ZNF385D: variants seen among roughly 807,000 people sequenced by gnomAD.
The protein encoded by ZNF385D is zinc finger protein 659.
A neutral mutation model predicts 35.8 loss-of-function variants in ZNF385D; 15 were observed. The observed-to-expected ratio is 0.42, with a 90% CI of 0.28 to 0.64. The LOEUF is 0.64. Among genes scored for constraint, ZNF385D ranks in the 30% least tolerant of loss-of-function variants. ZNF385D has a pLI of 0.23. For missense variants in ZNF385D, 474 were observed against 494.6 expected, an observed-to-expected ratio of 0.96 and a Z score of 0.39; for synonymous variants, 212 against 186.8, an observed-to-expected ratio of 1.13 and a Z score of -1.10.
intron 1 of ZNF385D, among the ~76,000 whole-genome samples, chr3:21,676,646 T>G (rs1009862033): frequency 6.6e-6 from 1 of 152,088 alleles, no homozygotes. Flanking sequence ...ATTATTTGTA[T>G]AAACAATGAA....
rs912590300 is a variant in ZNF385D at position 22,150,545 on chromosome 3, T to A, written c.325+18272A>T. 3.9e-5 allele frequency among the ~76,000 whole-genome samples: 6 copies of A among 152,100 alleles called. No individual in the cohort carries two copies. In the East Asian group the frequency reaches 1.2e-3, roughly 29 times the overall value. On this transcript the variant is annotated intron_variant, in intron 3 of 5. Transcript: ENST00000494108. The stretch of plus-strand genomic sequence containing the variant: ...AGGTTTTGAATAGAAGTTATTTACA[T>A]AGAAGGCATACCCACTGCAATGAGC...
chr3:21,737,231 G>C lies in ZNF385D; in HGVS notation c.22+13664C>G, dbSNP rs200805515. ...CTGGGACAGCAATCCTACTTCTATA[G>C]ATAGATACATGTGTCCATGTAACAA... On this transcript the variant is annotated intron_variant, in intron 1 of 7. Coordinates refer to ENST00000281523, the MANE Select transcript of ZNF385D (RefSeq NM_024697.3). Among the ~76,000 whole-genome samples the C allele has an allele frequency of 5.8e-4, 88 of 152,238 alleles. 1 individual carries two copies. In the East Asian group the frequency reaches 0.016, roughly 27 times the overall value.
intron 2 of ZNF385D, among the ~76,000 whole-genome samples, chr3:22,233,930 A>G (rs563407893): frequency 5.3e-5 from 8 of 152,194 alleles, no homozygotes; most frequent in Non-Finnish European, 8.8e-5. Flanking sequence ...TTCCTTTGTG[A>G]TAAGATCAAA....
intron 3 of ZNF385D, among the ~76,000 whole-genome samples, chr3:21,761,223 T>C (rs2070593171): frequency 1.3e-5 from 2 of 152,196 alleles, no homozygotes; most frequent in Non-Finnish European, 2.9e-5. Context: ...ATCGATATTT[T>C]AGTGCAAATT....
chr3:22,072,448 A>G (rs1215376258), intron 3 of ZNF385D, among the ~76,000 whole-genome samples: 2 of 152,092 alleles, frequency 1.3e-5, no homozygotes, highest in Non-Finnish European at 2.9e-5. Context: ...CAATCTCATC[A>G]AGAATCACTA....
chr3:21,902,371 C>T (rs1299130549), intron 3 of ZNF385D, among the ~76,000 whole-genome samples: 1 of 152,056 alleles, frequency 6.6e-6, no homozygotes, highest in African/African-American at 2.4e-5. Context: ...GTTCTAGTTC[C>T]TTCATTTTAC....
chr3:21,909,413 A>G (rs1699851742), intron 3 of ZNF385D, among the ~76,000 whole-genome samples: 1 of 152,118 alleles, frequency 6.6e-6, no homozygotes, highest in Non-Finnish European at 1.5e-5. Context: ...GAGACCAAAT[A>G]TGACTGATAA....
At chr3:21,488,854 T>C (rs2125400376) in intron 4 of ZNF385D, among the ~76,000 whole-genome samples, 1 of 152,224 alleles carries the variant, frequency 6.6e-6, no homozygotes, top group African/African-American at 2.4e-5. Context: ...GTTTCAGCAT[T>C]TATTTGTTTA....
chr3:22,020,043 AT>A (rs1440862973), intron 3 of ZNF385D, among the ~76,000 whole-genome samples: 1 of 151,854 alleles, frequency 6.6e-6, no homozygotes, highest in Non-Finnish European at 1.5e-5. Context: ...TATTAACTTT[AT>A]TTTTAAACAA....
intron 3 of ZNF385D, among the ~76,000 whole-genome samples, chr3:21,976,788 C>T (rs113107871): frequency 1.2e-3 from 184 of 152,180 alleles, no homozygotes; most frequent in Non-Finnish European, 2.3e-3. Flanking sequence ...GTCAGGAGTT[C>T]GAGAACATCC....
intron 3 of ZNF385D, among the ~76,000 whole-genome samples, chr3:22,076,569 C>G (rs540703615): frequency 2.0e-5 from 3 of 152,004 alleles, no homozygotes; most frequent in African/African-American, 7.2e-5. Flanking sequence ...ACTACAATTA[C>G]GTATCTATTT....
At chr3:22,298,813 C>G (rs967031447) in intron 2 of ZNF385D, among the ~76,000 whole-genome samples, 1 of 151,252 alleles carries the variant, frequency 6.6e-6, no homozygotes, top group African/African-American at 2.4e-5. Context: ...AATTGTTTAT[C>G]TTTATTTAAT....
At chr3:21,948,969 T>C (rs1701927126) in intron 3 of ZNF385D, among the ~76,000 whole-genome samples, 2 of 152,188 alleles carry the variant, frequency 1.3e-5, no homozygotes, top group African/African-American at 4.8e-5. Flanking sequence ...TGGTCTATTT[T>C]TCCTTCAATA....
At chr3:21,894,419 A>T (rs1699030374) in intron 3 of ZNF385D, among the ~76,000 whole-genome samples, 1 of 152,172 alleles carries the variant, frequency 6.6e-6, no homozygotes, top group South Asian at 2.1e-4. Context: ...TGAAGCCAAA[A>T]ACATCCCTGA....
At chr3:22,180,945 C>CTTTTTTTTTTT (rs1553624088) in intron 2 of ZNF385D, among the ~76,000 whole-genome samples, 4 of 99,032 alleles carry the variant, frequency 4.0e-5, no homozygotes, top group African/African-American at 2.2e-4. Context: ...GACAGCTTTG[C>CTTTTTTTTTTT]TTTCTCCTTC....
intron 1 of ZNF385D, among the ~76,000 whole-genome samples, chr3:21,746,185 TG>T (rs1363771613): frequency 2.6e-5 from 4 of 152,248 alleles, no homozygotes; most frequent in African/African-American, 9.6e-5. Flanking sequence ...ATTTGTTTTT[TG>T]GAACAACTAT....
rs56827844 is a variant in ZNF385D at position 21,428,933 on chromosome 3, C to CTTTTTTTTTTTTTTTTTT, written c.674-3264_674-3263insAAAAAAAAAAAAAAAAAA. ...GCACGGCATAAGGCTCCAAGAAATCCTTTTTTTTTTTTGCTTTCTGCTTAA... is the reference window on the plus strand; with the variant it reads ...GCACGGCATAAGGCTCCAAGAAATCCTTTTTTTTTTTTTTTTTTTTTTTTTTTTTTGCTTTCTGCTTAA... On this transcript the variant is annotated intron_variant, in intron 5 of 7. Transcript: ENST00000281523. 2.3e-3 allele frequency among the ~76,000 whole-genome samples: 256 copies of CTTTTTTTTTTTTTTTTTT among 111,782 alleles called. 12 individuals are homozygous for CTTTTTTTTTTTTTTTTTT. The highest frequency in any genetic ancestry group is 4.7e-3 in the Middle Eastern group (1 of 214). The allele number at this position is 111,782 out of a possible 152,430, so 73.3% of individuals were successfully genotyped here.
chr3:21,565,584 T>TGTCTA (rs2063115655), intron 2 of ZNF385D, among the ~76,000 whole-genome samples: 1 of 152,170 alleles, frequency 6.6e-6, no homozygotes, highest in Non-Finnish European at 1.5e-5. Flanking sequence ...TCACTATCCT[T>TGTCTA]GTCTATTAAA....
At chr3:21,711,039 G>GTTTTTTTTTTTTTTTTTTTTTTTTTTTTT (rs869252663) in intron 1 of ZNF385D, among the ~76,000 whole-genome samples, 3 of 83,140 alleles carry the variant, frequency 3.6e-5, no homozygotes, top group Admixed American at 1.8e-4. Context: ...CCCTCTAAAA[G>GTTTTTTTTTTTTTTTTTTTTTTTTTTTTT]TTTTTTTTTT....
Sources: allele counts gnomAD v4.1 joint callset (sites outside exome capture counted in the v4.1 genomes callset), GRCh38; gene constraint gnomAD v4.1.1; transcripts MANE v1.5; gene names NCBI Gene and HGNC (gene_info 2026-07-23, HGNC 2026-07-21).